The following PIK3CG variants were observed in gnomAD, a reference collection of about 807,000 sequenced individuals.
PIK3CG encodes the protein phosphatidylinositol 4,5-bisphosphate 3-kinase catalytic subunit gamma isoform.
Under a neutral mutation model 102.3 loss-of-function variants are expected in PIK3CG, and 55 were observed. The observed-to-expected ratio is 0.54, with a 90% CI of 0.43 to 0.67. The LOEUF (loss-of-function observed/expected upper bound fraction) is 0.67, where lower values mean the gene tolerates loss of function less well. Among genes scored for constraint, PIK3CG ranks in the 30% least tolerant of loss-of-function variants. The pLI is 0.00. For synonymous variants in PIK3CG, 552 were observed against 540.0 expected (o/e 1.02, Z -0.31); for missense variants, 1,258 against 1,391.8 (o/e 0.90, Z 1.53).
In PIK3CG at chr7:106,868,990, C is replaced by CA. The variant is rs750173019; in HGVS notation, c.1429_1430insA (p.Arg477GlnfsTer24). 6.2e-7 allele frequency: 1 copy of CA among 1,614,152 alleles called. No individual in the cohort carries two copies. The highest frequency in any genetic ancestry group is 1.6e-4 in the Middle Eastern group (1 of 6,062). On this transcript the variant is annotated frameshift_variant, in exon 2 of 11. Coordinates refer to ENST00000496166, the MANE Select transcript of PIK3CG (RefSeq NM_001282426.2). LOFTEE classifies it high-confidence loss of function. This position sits in a 1 kb window ranked among gnomAD's most constrained non-coding sequence, Gnocchi z 6.2. ...GATAGACCACCGTTTCCTCCTGCGC[C>CA]GTGGAGAATACGTCCTCCACATGTG...
At chr7:106,871,330 C>T (rs1352378932) in intron 2 of PIK3CG, among the ~76,000 whole-genome samples, 4 of 152,198 alleles carry the variant, frequency 2.6e-5, no homozygotes, top group African/African-American at 9.7e-5. Flanking sequence ...AGACCACATT[C>T]TCAGAATTAA....
At position 106,894,770 on chromosome 7, in the gene PIK3CG, G is replaced by A. The variant is rs1001789470; in HGVS notation, c.3030+8478G>A. 6.6e-6 allele frequency among the ~76,000 whole-genome samples: 1 copy of A among 152,202 alleles called. No individual in the cohort carries two copies. The highest frequency in any genetic ancestry group is 2.4e-5 in the African/African-American group (1 of 41,472). The stretch of plus-strand genomic sequence containing the variant: ...TGAAAATGGAGGATTTTGATGTTAA[G>A]TATTTCATGTGACCTCAGACAGTCT... On this transcript the variant is annotated intron_variant, in intron 10 of 10. Coordinates refer to ENST00000496166, the MANE Select transcript of PIK3CG (RefSeq NM_001282426.2). This position sits in a 1 kb window ranked among gnomAD's most constrained non-coding sequence, Gnocchi z 4.4.
chr7:106,886,323 A>G (rs1302341898), intron 10 of PIK3CG, 31 bp downstream of exon 10: 1 of 1,610,526 alleles, frequency 6.2e-7, no homozygotes, highest in Non-Finnish European at 8.5e-7. Flanking sequence ...CCTGCTGAGA[A>G]TAGCACCGAA....
Position 106,883,978 on chromosome 7 carries a change from A to G in PIK3CG, c.2761-177A>G, listed in dbSNP as rs866734030. Among the ~76,000 whole-genome samples, 3 of 152,218 alleles carry G rather than the reference A, an allele frequency of 2.0e-5. No homozygotes were observed. Among genetic ancestry groups the G allele is most frequent in the Non-Finnish European group, 4.4e-5 (3 of 68,028 alleles). ...GATTCACTGAATCTTCACCTAAAAT[A>G]TAAGCAGAGCAATGAGAAAGTTGGC... On this transcript the variant is annotated intron_variant, in intron 8 of 10. Transcript: ENST00000496166. The surrounding 1 kb of genome is among the most constrained non-coding windows in gnomAD (Gnocchi z 5.8).
chr7:106,889,632 T>A (rs564307698), intron 10 of PIK3CG, among the ~76,000 whole-genome samples: 3 of 152,352 alleles, frequency 2.0e-5, no homozygotes, highest in South Asian at 4.1e-4. Flanking sequence ...AATAACCTGT[T>A]AGGAACAATG....
intron 5 of PIK3CG, among the ~76,000 whole-genome samples, chr7:106,878,702 C>T (rs972729140): frequency 2.6e-5 from 4 of 152,144 alleles, no homozygotes; most frequent in Admixed American, 1.3e-4. Context: ...CCCGTAGCAG[C>T]GAAGCCACAT....
chr7:106,873,040 T>C (rs1790593383), intron 4 of PIK3CG, 102 bp downstream of exon 4: 6 of 819,694 alleles, frequency 7.3e-6, no homozygotes, highest in Non-Finnish European at 9.9e-6. Flanking sequence ...AGTTGCATCC[T>C]CCTGAAGGCA....
In PIK3CG at chr7:106,884,210, CCTTTGTT is replaced by C; in HGVS notation, c.2820_2826del (p.Phe940LeufsTer3). The C allele has an allele frequency of 6.2e-7, 1 of 1,613,874 alleles. No individual in the cohort carries two copies. Among genetic ancestry groups the C allele is most frequent in the Admixed American group, 1.7e-5 (1 of 60,012 alleles). On this transcript the variant is annotated frameshift_variant, in exon 9 of 11. Coordinates refer to ENST00000496166, the MANE Select transcript of PIK3CG (RefSeq NM_001282426.2). LOFTEE classifies it high-confidence loss of function. This position sits in a 1 kb window ranked among gnomAD's most constrained non-coding sequence, Gnocchi z 4.2. ...TCCTGTGCAGGCTACTGTGTGGCAA[CCTTTGTT>C]CTTGGAATAGGCGACAGACACAATG...
At chr7:106,898,869 T>G (rs889305063) in intron 10 of PIK3CG, among the ~76,000 whole-genome samples, 7 of 152,186 alleles carry the variant, frequency 4.6e-5, no homozygotes, top group Non-Finnish European at 8.8e-5. Context: ...CTTTTTTGGT[T>G]CTATATGAAT....
Position 106,884,288 on chromosome 7 carries a change from T to C in PIK3CG, c.2872+22T>C, listed in dbSNP as rs759687809. On this transcript the variant is annotated intron_variant, in intron 9 of 10. Transcript: ENST00000496166. This position sits in a 1 kb window ranked among gnomAD's most constrained non-coding sequence, Gnocchi z 4.2. ...ACAGGTGAGTTTATTTAGTGCAGAA[T>C]AAACTTTTATTGTGGTAAAATATAT... is the stretch of plus-strand genomic sequence containing the variant. 3 of 1,446,004 alleles carry C rather than the reference T, an allele frequency of 2.1e-6. No homozygotes were observed. The Admixed American group carries it at 5.1e-5, about 25-fold the overall frequency. The allele number at this position is 1,446,004 out of a possible 1,614,324, so 89.6% of individuals were successfully genotyped here. A position where few individuals can be genotyped will look rare whatever the true frequency, so the allele number is the denominator to read the frequency against.
In PIK3CG at chr7:106,902,305, T is replaced by C. The variant is rs765577551; in HGVS notation, c.3031-2804T>C. Among the ~76,000 whole-genome samples the C allele has an allele frequency of 4.6e-5, 7 of 152,138 alleles. No individual in the cohort carries two copies. The highest frequency in any genetic ancestry group is 8.8e-5 in the Non-Finnish European group (6 of 68,020). On this transcript the variant is annotated intron_variant, in intron 10 of 10. Coordinates refer to ENST00000496166, the MANE Select transcript of PIK3CG (RefSeq NM_001282426.2). This position sits in a 1 kb window ranked among gnomAD's most constrained non-coding sequence, Gnocchi z 4.3. ...GCACGGGAGACACACTGGCCTCCTC[T>C]CCTTGGGTCAGCTGCAGCTTGCTGG...
Position 106,905,390 on chromosome 7 carries a change from C to T in PIK3CG, c.*3C>T, listed in dbSNP as rs2116620317. ...AAGGAGAGAAACATTCAGCCTAATA[C>T]TTTAGGCTAGAATCAAAAACAAGTT... On this transcript the variant is annotated 3_prime_UTR_variant, in exon 11 of 11. Transcript: ENST00000496166. This position sits in a 1 kb window ranked among gnomAD's most constrained non-coding sequence, Gnocchi z 5.6. 2 of 1,607,022 alleles carry T rather than the reference C, an allele frequency of 1.2e-6. No homozygotes were observed. The highest frequency in any genetic ancestry group is 1.7e-6 in the Non-Finnish European group (2 of 1,175,206).
rs1164842981 is a variant in PIK3CG, at chr7:106,893,774, G to A, written c.3030+7482G>A. ...TTGCTTAACAGTGGGGATACATACA[G>A]AGAAATGCATCATTAGGCAATTTCG... On this transcript the variant is annotated intron_variant, in intron 10 of 10. Coordinates refer to ENST00000496166, the MANE Select transcript of PIK3CG (RefSeq NM_001282426.2). The surrounding 1 kb of genome is among the most constrained non-coding windows in gnomAD (Gnocchi z 4.4). Among the ~76,000 whole-genome samples, 1 of 152,214 alleles carries A rather than the reference G, an allele frequency of 6.6e-6. No individual in the cohort carries two copies. The highest frequency in any genetic ancestry group is 1.5e-5 in the Non-Finnish European group (1 of 68,036).
At position 106,905,154 on chromosome 7, in the gene PIK3CG, C is replaced by G. The variant is rs2116617440; in HGVS notation, c.3076C>G (p.Leu1026Val). The change falls in exon 11 of 11, where the codon CTA (leucine) becomes GTA (valine). Residue 1026 changes from leucine to valine, a missense_variant. By Grantham distance (32) the Leu-to-Val change is conservative. Transcript: ENST00000496166. This position sits in a 1 kb window ranked among gnomAD's most constrained non-coding sequence, Gnocchi z 5.6. ...AYLALRHHTN[L>V]LIILFSMMLM... ...TCTAGCCCTTCGTCATCACACAAAC[C>G]TACTGATCATCCTGTTCTCCATGAT... 1 of 1,614,064 alleles carries G rather than the reference C, an allele frequency of 6.2e-7. No homozygotes were observed. The highest frequency in any genetic ancestry group is 2.2e-5 in the East Asian group (1 of 44,864).
At chr7:106,866,173 A>G (rs1168305340) in intron 1 of PIK3CG, among the ~76,000 whole-genome samples, 1 of 152,232 alleles carries the variant, frequency 6.6e-6, no homozygotes, top group African/African-American at 2.4e-5. Flanking sequence ...CTATTTCTTA[A>G]GGAAATAATG....
Position 106,872,652 on chromosome 7 carries a change from T to A in PIK3CG, c.2061+50T>A, listed in dbSNP as rs2116483727. 6.3e-7 allele frequency: 1 copy of A among 1,597,424 alleles called. No individual in the cohort carries two copies. Reference sequence around the variant, plus strand: ...GCGTGAAATTTTAAGTTGCCAAGAATTAACTGGTAGACCTAAAGCATTAGT... The same window carrying A: ...GCGTGAAATTTTAAGTTGCCAAGAAATAACTGGTAGACCTAAAGCATTAGT... On this transcript the variant is annotated intron_variant, in intron 3 of 10. Transcript: ENST00000496166. This position sits in a 1 kb window ranked among gnomAD's most constrained non-coding sequence, Gnocchi z 5.3.
Position 106,869,447 on chromosome 7 carries a change from A to G in PIK3CG, c.1886A>G (p.Gln629Arg), listed in dbSNP as rs2116466022. Residue 629 changes from glutamine to arginine, a missense_variant, in exon 2 of 11, where the codon CAG becomes CGG. Gln to Arg is a conservative substitution (Grantham distance 43, BLOSUM62 1). Transcript: ENST00000496166. This position sits in a 1 kb window ranked among gnomAD's most constrained non-coding sequence, Gnocchi z 5.3. ...QSALDVGLTM[Q>R]LLDCNFSDEN... ...GCTTTGGATGTTGGGTTAACAATGC[A>G]GCTCCTGGACTGCAACTTCTCAGAT... is the stretch of plus-strand genomic sequence containing the variant. 6.2e-7 allele frequency: 1 copy of G among 1,614,242 alleles called. No homozygotes were observed. Among genetic ancestry groups the G allele is most frequent in the Non-Finnish European group, 8.5e-7 (1 of 1,180,032 alleles).
rs535355652 is a variant in PIK3CG, at chr7:106,883,096, A to G, written c.2693A>G (p.Asn898Ser). The part of the protein sequence containing the change: ...IAKIQQSTVG[N>S]TGAFKDEVLN... ...AAAATTCAGCAAAGCACAGTGGGCAACACGGGAGCATTTAAAGATGAAGTC... is the reference window on the plus strand; with the variant it reads ...AAAATTCAGCAAAGCACAGTGGGCAGCACGGGAGCATTTAAAGATGAAGTC... The change falls in exon 8 of 11, where the codon AAC (asparagine) becomes AGC (serine). Residue 898 changes from asparagine to serine, a missense_variant. Asn to Ser is a conservative substitution (Grantham distance 46, BLOSUM62 1). Transcript: ENST00000496166. The surrounding 1 kb of genome is among the most constrained non-coding windows in gnomAD (Gnocchi z 5.8). 1 of 1,614,156 alleles carries G rather than the reference A, an allele frequency of 6.2e-7. No individual in the cohort carries two copies. The highest frequency in any genetic ancestry group is 1.3e-5 in the African/African-American group (1 of 75,058).
In PIK3CG at chr7:106,877,420, G is replaced by A. The variant is rs745483081; in HGVS notation, c.2392-2099G>A. 2.0e-5 allele frequency among the ~76,000 whole-genome samples: 3 copies of A among 152,216 alleles called. No homozygotes were observed. Among genetic ancestry groups the A allele is most frequent in the Non-Finnish European group, 4.4e-5 (3 of 68,048 alleles). On this transcript the variant is annotated intron_variant, in intron 5 of 10. Coordinates refer to ENST00000496166, the MANE Select transcript of PIK3CG (RefSeq NM_001282426.2). The surrounding 1 kb of genome is among the most constrained non-coding windows in gnomAD (Gnocchi z 4.5). ...CACTATCCACCCCAAAATGGCAACA[G>A]TGCCAAGGTTAAGAAATTCTGGTTT...
Sources: gnomAD v4.1 joint callset for allele counts (sites outside exome capture counted in the v4.1 genomes callset) on GRCh38, gnomAD v4.1.1 for gene constraint, Gnocchi (gnomAD v3.1) non-coding constraint, MANE v1.5 for transcripts, NCBI Gene and HGNC (gene_info 2026-07-23, HGNC 2026-07-21) for gene names.